The following KCNK13 variants were observed in gnomAD, a reference collection of about 807,000 sequenced individuals.
The protein encoded by KCNK13 is potassium channel subfamily K member 13.
In KCNK13, 12 loss-of-function variants were observed where a neutral mutation model predicts 23.4. The observed-to-expected ratio is 0.51, with a 90% CI of 0.33 to 0.83. KCNK13 has a LOEUF of 0.83. Among genes scored for constraint, KCNK13 ranks in the 40% least tolerant of loss-of-function variants. The pLI is 0.02. For synonymous variants in KCNK13, 231 were observed against 229.5 expected (o/e 1.01, Z -0.06); for missense variants, 463 against 556.3 (o/e 0.83, Z 1.69).
intron 1 of KCNK13, among the ~76,000 whole-genome samples, chr14:90,066,374 C>G (rs575389502): frequency 7.9e-5 from 12 of 152,088 alleles, no homozygotes; most frequent in Non-Finnish European, 1.6e-4. Flanking sequence ...GCAAGCAATT[C>G]TCCTGCCTTG....
chr14:90,162,694 C>T (rs368466131), intron 1 of KCNK13, among the ~76,000 whole-genome samples: 1 of 152,272 alleles, frequency 6.6e-6, no homozygotes, highest in South Asian at 2.1e-4. Context: ...TAAGTGAATA[C>T]TGGAATATTC....
chr14:90,078,603 GAA>G (rs1425658358), intron 1 of KCNK13, among the ~76,000 whole-genome samples: 3 of 151,766 alleles, frequency 2.0e-5, no homozygotes, highest in Non-Finnish European at 4.4e-5. Flanking sequence ...AAAAGAGAAA[GAA>G]AGAGAGGGAG....
At chr14:90,106,312 C>T (rs1286523017) in intron 1 of KCNK13, among the ~76,000 whole-genome samples, 1 of 152,104 alleles carries the variant, frequency 6.6e-6, no homozygotes, top group African/African-American at 2.4e-5. Flanking sequence ...CAGTGGCTCA[C>T]ACGTGTAATA....
intron 1 of KCNK13, among the ~76,000 whole-genome samples, chr14:90,127,928 T>C (rs934138556): frequency 1.3e-5 from 2 of 151,468 alleles, no homozygotes; most frequent in Non-Finnish European, 2.9e-5. Flanking sequence ...AGGAAGAATA[T>C]ATATTGTAGA....
intron 1 of KCNK13, among the ~76,000 whole-genome samples, chr14:90,150,984 G>GA (rs891422288): frequency 1.5e-4 from 22 of 150,626 alleles, no homozygotes; most frequent in African/African-American, 3.4e-4. Flanking sequence ...GTCTCAAAAA[G>GA]AAAAAAAAAG....
chr14:90,083,930 CTA>C (rs1328830571), intron 1 of KCNK13, among the ~76,000 whole-genome samples: 1 of 152,156 alleles, frequency 6.6e-6, no homozygotes, highest in Non-Finnish European at 1.5e-5. Flanking sequence ...ACAAAAATCA[CTA>C]GTCTTAGCCC....
chr14:90,167,712 G>A (rs936038976), intron 1 of KCNK13, among the ~76,000 whole-genome samples: 2 of 152,132 alleles, frequency 1.3e-5, no homozygotes, highest in Admixed American at 6.5e-5. Flanking sequence ...AAGCTGGTTC[G>A]GAAGTGACTG....
intron 1 of KCNK13, among the ~76,000 whole-genome samples, chr14:90,150,433 C>T (rs1339249724): frequency 6.6e-6 from 1 of 151,988 alleles, no homozygotes; most frequent in Non-Finnish European, 1.5e-5. Context: ...GGCAACATAG[C>T]GAGACCCTGT....
intron 1 of KCNK13, among the ~76,000 whole-genome samples, chr14:90,133,854 CT>C (rs975257822): frequency 1.2e-4 from 18 of 152,252 alleles, no homozygotes; most frequent in Admixed American, 1.2e-3. Context: ...AACAGCTCCT[CT>C]AGAGAGCTTT....
chr14:90,077,109 G>C (rs1286914), intron 1 of KCNK13, among the ~76,000 whole-genome samples: 2 of 131,290 alleles, frequency 1.5e-5, no homozygotes, highest in Non-Finnish European at 1.6e-5. Flanking sequence ...ATGAGCCACC[G>C]CACCTGGCTT....
In KCNK13 at chr14:90,184,463, C is replaced by T; in HGVS notation, c.687C>T (p.Tyr229=). The T allele has an allele frequency of 6.2e-7, 1 of 1,614,270 alleles. No homozygotes were observed. Among genetic ancestry groups the T allele is most frequent in the Non-Finnish European group, 8.5e-7 (1 of 1,180,050 alleles). Residue 229 remains tyrosine (Y), a synonymous_variant, in exon 2 of 2, where the codon TAC becomes TAT. Coordinates refer to ENST00000282146, the MANE Select transcript of KCNK13 (RefSeq NM_022054.4). The surrounding 1 kb of genome is among the most constrained non-coding windows in gnomAD (Gnocchi z 5.6). ...IEGWSYFDSL[Y]FCFVAFSTIG... is the part of the protein sequence containing the mutation. ...GCTGGAGCTACTTTGACTCACTCTA[C>T]TTCTGTTTTGTGGCTTTCAGCACCA...
At chr14:90,159,188 C>T (rs1005769060) in intron 1 of KCNK13, among the ~76,000 whole-genome samples, 1 of 152,186 alleles carries the variant, frequency 6.6e-6, no homozygotes, top group African/African-American at 2.4e-5. Flanking sequence ...TTATAGTCGG[C>T]ATTAATCCAC....
At chr14:90,104,792 T>TTTTC (rs1491425523) in intron 1 of KCNK13, among the ~76,000 whole-genome samples, 5 of 37,880 alleles carry the variant, frequency 1.3e-4, no homozygotes, top group African/African-American at 5.5e-4. Context: ...TTTTCTTTTC[T>TTTTC]TTTTTTTTTT....
intron 1 of KCNK13, among the ~76,000 whole-genome samples, chr14:90,089,805 G>C (rs1889321223): frequency 6.6e-6 from 1 of 152,232 alleles, no homozygotes; most frequent in African/African-American, 2.4e-5. Context: ...ACTAAAAGGG[G>C]CCAAGGTACA....
intron 1 of KCNK13, among the ~76,000 whole-genome samples, chr14:90,171,484 G>T (rs931080938): frequency 6.6e-6 from 1 of 152,216 alleles, no homozygotes; most frequent in East Asian, 1.9e-4. Flanking sequence ...AGTTAATTTA[G>T]AAAGTTTATT....
intron 1 of KCNK13, among the ~76,000 whole-genome samples, chr14:90,181,249 A>G (rs1259626652): frequency 3.3e-5 from 5 of 152,176 alleles, no homozygotes; most frequent in Admixed American, 6.5e-5. Flanking sequence ...CTTAGTCCAC[A>G]TGGGCTGCTA....
chr14:90,119,929 T>A (rs1034648121), intron 1 of KCNK13, among the ~76,000 whole-genome samples: 2 of 152,120 alleles, frequency 1.3e-5, no homozygotes, highest in African/African-American at 4.8e-5. Context: ...TAAAAAAAAT[T>A]TAGGTTCAGG....
At chr14:90,091,085 A>G (rs1266139419) in intron 1 of KCNK13, among the ~76,000 whole-genome samples, 1 of 152,192 alleles carries the variant, frequency 6.6e-6, no homozygotes, top group Non-Finnish European at 1.5e-5. Context: ...TCAAGTGCCG[A>G]GGTTCCTCTT....
At chr14:90,183,609 G>C (rs1440532975) in intron 1 of KCNK13, among the ~76,000 whole-genome samples, 1 of 152,160 alleles carries the variant, frequency 6.6e-6, no homozygotes, top group Non-Finnish European at 1.5e-5. Flanking sequence ...GGCTCCATGA[G>C]GGCAGGGACC....
Sources: gnomAD v4.1 joint callset for allele counts (sites outside exome capture counted in the v4.1 genomes callset) on GRCh38, gnomAD v4.1.1 for gene constraint, Gnocchi (gnomAD v3.1) non-coding constraint, MANE v1.5 for transcripts, NCBI Gene and HGNC (gene_info 2026-07-23, HGNC 2026-07-21) for gene names.